The following UBAP2L variants were observed in gnomAD, a reference collection of about 807,000 sequenced individuals.
UBAP2L encodes ubiquitin associated protein 2 like, also known as ubiquitin-associated protein 2-like.
A neutral mutation model predicts 130.6 loss-of-function variants in UBAP2L; 12 were observed. The observed-to-expected ratio is 0.09, with a 90% CI of 0.06 to 0.15. The LOEUF (loss-of-function observed/expected upper bound fraction) is 0.15. Ranked by LOEUF, UBAP2L falls within the 10% of genes least tolerant of loss-of-function variation. The probability of loss-of-function intolerance (pLI) is 1.00; values close to 1 mark genes in which losing one functional copy is unlikely to be tolerated. For missense variants in UBAP2L, 965 were observed against 1,332.5 expected (o/e 0.72, Z 4.29); for synonymous variants, 503 against 524.7 (o/e 0.96, Z 0.57).
At position 154,255,762 on chromosome 1, in the gene UBAP2L, G is replaced by T; in HGVS notation, c.2157+7G>T. 6.2e-7 allele frequency: 1 copy of T among 1,613,946 alleles called. No individual in the cohort carries two copies. ...TTCGACATCCACTCTTTTGGTAAGTGTGATGCTGAGAGGGATGTGTGGTTT... is the reference window on the plus strand; with the variant it reads ...TTCGACATCCACTCTTTTGGTAAGTTTGATGCTGAGAGGGATGTGTGGTTT... On this transcript the variant is annotated splice_region_variant and intron_variant, in intron 18 of 26. Coordinates refer to ENST00000428931, the MANE Select transcript of UBAP2L (RefSeq NM_014847.4).
intron 4 of UBAP2L, among the ~76,000 whole-genome samples, chr1:154,231,639 C>T (rs1047405433): frequency 6.6e-6 from 1 of 152,096 alleles, no homozygotes; most frequent in African/African-American, 2.4e-5. Flanking sequence ...TTTTAGAGAT[C>T]TCATGTAAGT....
At position 154,270,759 on chromosome 1, in the gene UBAP2L, GTTT is replaced by G; in HGVS notation, c.*472_*474del. The G allele has an allele frequency of 8.8e-7, 1 of 1,138,612 alleles. No individual in the cohort carries two copies. The highest frequency in any genetic ancestry group is 1.1e-6 in the Non-Finnish European group (1 of 892,294). 70.5% of individuals were successfully genotyped at this position (1,138,612 alleles called of 1,614,324 possible). A position where few individuals can be genotyped will look rare whatever the true frequency, so the allele number is the denominator to read the frequency against. The stretch of plus-strand genomic sequence containing the variant: ...ATTGTCAGATGAATTAGTTGAAGTG[GTTT>G]TTTTTTTGTTTTTTTTTTTTTTTTG... On this transcript the variant is annotated 3_prime_UTR_variant, in exon 27 of 27. Transcript: ENST00000428931.
At chr1:154,261,803 C>G in intron 24 of UBAP2L, 106 bp downstream of exon 24, 6 of 1,132,272 alleles carry the variant, frequency 5.3e-6, no homozygotes, top group Non-Finnish European at 7.9e-6. Flanking sequence ...TGAGGGTGTG[C>G]CGCTGCCCCA....
At chr1:154,258,209 A>G (rs1011867889) in intron 20 of UBAP2L, among the ~76,000 whole-genome samples, 1 of 152,184 alleles carries the variant, frequency 6.6e-6, no homozygotes, top group African/African-American at 2.4e-5. Flanking sequence ...AGGTTCAGAC[A>G]GTCCTCCTGC....
At chr1:154,236,891 G>T in intron 7 of UBAP2L, 133 bp from the exon 8 acceptor site, 1 of 713,816 alleles carries the variant, frequency 1.4e-6, no homozygotes, top group South Asian at 1.9e-5. Flanking sequence ...AAAAGTAGAT[G>T]ACACACAGGA....
chr1:154,270,770 G>GTTTTTTTTTTT lies in UBAP2L; in HGVS notation c.*481_*491dup, dbSNP rs370017648. ...AATTAGTTGAAGTGGTTTTTTTTTT[G>GTTTTTTTTTTT]TTTTTTTTTTTTTTTTGTACTGTGT... On this transcript the variant is annotated 3_prime_UTR_variant, in exon 27 of 27. Coordinates refer to ENST00000428931, the MANE Select transcript of UBAP2L (RefSeq NM_014847.4). 3.0e-4 allele frequency: 279 copies of GTTTTTTTTTTT among 922,582 alleles called. No homozygotes were observed. The highest frequency in any genetic ancestry group is 1.2e-3 in the Admixed American group (17 of 13,926). 57.1% of individuals were successfully genotyped at this position (922,582 alleles called of 1,614,324 possible). A position where few individuals can be genotyped will look rare whatever the true frequency, so the allele number is the denominator to read the frequency against.
At chr1:154,269,142 C>CA in intron 26 of UBAP2L, 188 bp downstream of exon 26, 1 of 896,406 alleles carries the variant, frequency 1.1e-6, no homozygotes. Context: ...AAGGAAATCT[C>CA]AGAGAAGGGC....
chr1:154,220,992 AGCGGCGTTG>A lies in UBAP2L; in HGVS notation c.-41+24_-41+32del. ...GAGACTGAGGTAAAGTTGGGAGCGC[AGCGGCGTTG>A]GCGGCGGCGGCGGCGGCAGCGGCAG... On this transcript the variant is annotated intron_variant, in intron 1 of 26. Coordinates refer to ENST00000428931, the MANE Select transcript of UBAP2L (RefSeq NM_014847.4). The A allele has an allele frequency of 5.2e-6, 1 of 190,826 alleles. No homozygotes were observed. The highest frequency in any genetic ancestry group is 6.7e-5 in the South Asian group (1 of 15,016). 11.8% of individuals were successfully genotyped at this position (190,826 alleles called of 1,614,324 possible). A position where few individuals can be genotyped will look rare whatever the true frequency, so the allele number is the denominator to read the frequency against.
At chr1:154,243,195 G>T in intron 9 of UBAP2L, 22 bp from the exon 10 acceptor site, 2 of 1,605,326 alleles carry the variant, frequency 1.2e-6, no homozygotes, top group South Asian at 2.2e-5. Flanking sequence ...CACCAAGAGT[G>T]ACTAATCCCT....
chr1:154,247,861 A>C (rs1400400964), intron 11 of UBAP2L, among the ~76,000 whole-genome samples: 1 of 152,152 alleles, frequency 6.6e-6, no homozygotes, highest in African/African-American at 2.4e-5. Flanking sequence ...TTAGAGGATT[A>C]ATTTCACTTA....
chr1:154,253,446 T>G lies in UBAP2L; in HGVS notation c.1665-454T>G, dbSNP rs1014454502. On this transcript the variant is annotated intron_variant, in intron 14 of 26. Coordinates refer to ENST00000428931, the MANE Select transcript of UBAP2L (RefSeq NM_014847.4). ...GTCACCCAGGCTGGAGTGCAGTGGC[T>G]TGATCTCGGCTCACTGCAAGCTGCG... Among the ~76,000 whole-genome samples, 8 of 149,984 alleles carry G rather than the reference T, an allele frequency of 5.3e-5. No homozygotes were observed. The East Asian group carries it at 1.4e-3, about 26-fold the overall frequency.
chr1:154,241,467 T>G, intron 8 of UBAP2L, 46 bp from the exon 9 acceptor site: 1 of 1,581,540 alleles, frequency 6.3e-7, no homozygotes. Context: ...TGCTTTGTAC[T>G]GGCATTTAAT....
At chr1:154,230,590 A>AT (rs1028364024) in intron 4 of UBAP2L, among the ~76,000 whole-genome samples, 5 of 152,126 alleles carry the variant, frequency 3.3e-5, no homozygotes, top group Non-Finnish European at 7.4e-5. Flanking sequence ...AGGTGGGGCT[A>AT]TTTATGTTTT....
At position 154,261,679 on chromosome 1, in the gene UBAP2L, T is replaced by A; in HGVS notation, c.2884T>A (p.Ser962Thr). The change falls in exon 24 of 27, where the codon TCT becomes ACT. Residue 962 changes from serine (S) to threonine (T), a missense_variant. Around this residue, in one of 9 missense-constraint regions of UBAP2L, gnomAD observed 194 missense variants for 334.0 expected, o/e 0.58. Coordinates refer to ENST00000428931, the MANE Select transcript of UBAP2L (RefSeq NM_014847.4). ...TPFQQPSGYG[S>T]HGYNTGVSVT... The stretch of plus-strand genomic sequence containing the variant: ...TTTCCAACAGCCGAGTGGATATGGG[T>A]CTCATGGATACAACACTGGTAAGCT... The A allele has an allele frequency of 6.2e-7, 1 of 1,614,060 alleles. No homozygotes were observed. The highest frequency in any genetic ancestry group is 8.5e-7 in the Non-Finnish European group (1 of 1,180,006).
chr1:154,271,488 C>G (rs1364131186), downstream of UBAP2L: 2 of 152,206 alleles, frequency 1.3e-5, no homozygotes, highest in Non-Finnish European at 2.9e-5. Flanking sequence ...GGGGCCCATT[C>G]CCCCTAGGAA....
chr1:154,229,947 C>T (rs1419982181), intron 4 of UBAP2L, among the ~76,000 whole-genome samples: 1 of 151,952 alleles, frequency 6.6e-6, no homozygotes, highest in Non-Finnish European at 1.5e-5. Context: ...CCTCCACCTC[C>T]CAGGTTCAAG....
chr1:154,221,590 C>G (rs1482505908), intron 1 of UBAP2L, among the ~76,000 whole-genome samples: 2 of 152,152 alleles, frequency 1.3e-5, no homozygotes, highest in Non-Finnish European at 2.9e-5. Context: ...TTAATTTGTT[C>G]CGGCTGGGAG....
At chr1:154,264,909 T>A (rs1019388256) in intron 24 of UBAP2L, among the ~76,000 whole-genome samples, 6 of 152,204 alleles carry the variant, frequency 3.9e-5, no homozygotes, top group Admixed American at 3.9e-4. Flanking sequence ...CTTCCTATTC[T>A]TAAAAGTTAT....
chr1:154,256,818 T>C (rs529463118), intron 18 of UBAP2L, among the ~76,000 whole-genome samples: 18 of 152,358 alleles, frequency 1.2e-4, no homozygotes, highest in Admixed American at 2.6e-4. Flanking sequence ...ACTGTCTTTC[T>C]GAACAGGATG....
Sources: gnomAD v4.1 joint callset for allele counts (sites outside exome capture counted in the v4.1 genomes callset) on GRCh38, gnomAD v4.1.1 for gene constraint, gnomAD v4.1.1 regional missense constraint, MANE v1.5 for transcripts, NCBI Gene and HGNC (gene_info 2026-07-23, HGNC 2026-07-21) for gene names.